Variants in GYPC observed in about 807,000 individuals in gnomAD.
GYPC encodes glycophorin C (Gerbich blood group).
Under a neutral mutation model 12.6 loss-of-function variants are expected in GYPC, and 14 were observed. The ratio of observed to expected loss-of-function variants is 1.11; its 90% confidence interval spans 0.74 to 1.74. The LOEUF (loss-of-function observed/expected upper bound fraction) is 1.74, where lower values mean the gene tolerates loss of function less well. Ranked by LOEUF, GYPC falls within the 40% of genes most tolerant of loss-of-function variation. The pLI, the probability that GYPC is intolerant of heterozygous loss-of-function variation, is 0.00. For missense variants in GYPC, 225 were observed against 172.1 expected (o/e 1.31, Z -1.72); for synonymous variants, 78 against 62.1 (o/e 1.26, Z -1.20).
chr2:126,695,958 C>T lies in GYPC; in HGVS notation c.203C>T (p.Ala68Val), dbSNP rs370846367. The change falls in exon 4 of 4, where the codon GCT becomes GTT. Residue 68 changes from alanine to valine, a missense_variant. Coordinates refer to ENST00000259254, the MANE Select transcript of GYPC (RefSeq NM_002101.5). Reference sequence around the variant, plus strand: ...TTCCCACCTGCAGGTGTGATTGCTGCTGTGGCCATCGTCCTAGTCTCCCTC... The same window carrying T: ...TTCCCACCTGCAGGTGTGATTGCTGTTGTGGCCATCGTCCTAGTCTCCCTC... ...DIVVIAGVIAAVAIVLVSLLF... is the reference protein window; with the variant it reads ...DIVVIAGVIAVVAIVLVSLLF... 34 of 1,613,928 alleles carry T rather than the reference C, an allele frequency of 2.1e-5. No homozygotes were observed. In the East Asian group the frequency reaches 4.0e-4, roughly 19 times the overall value.
At chr2:126,685,904 AG>A in intron 1 of GYPC, 7 of 985,374 alleles carry the variant, frequency 7.1e-6, no homozygotes, top group Non-Finnish European at 8.4e-6. Context: ...TCCTCCTCCC[AG>A]AACACCTAGG....
In GYPC at chr2:126,690,479, C is replaced by G. The variant is rs960809290; in HGVS notation, c.106+168C>G. On this transcript the variant is annotated intron_variant, in intron 2 of 3. Transcript: ENST00000259254. ...GGGTGGCTGTGGCCATTTTTTCTCT[C>G]CCTCAGAGGTGGTTTTGAATGTGGA... 3.0e-4 allele frequency among the ~76,000 whole-genome samples: 46 copies of G among 152,124 alleles called. 1 individual carries two copies. The highest frequency in any genetic ancestry group is 1.0e-3 in the African/African-American group (43 of 41,398).
chr2:126,660,787 A>G (rs982708858), intron 1 of GYPC, among the ~76,000 whole-genome samples: 2 of 152,184 alleles, frequency 1.3e-5, no homozygotes, highest in Admixed American at 6.5e-5. Context: ...GGAGGCCAGT[A>G]AATACTAAGT....
intron 1 of GYPC, among the ~76,000 whole-genome samples, chr2:126,684,044 C>T (rs921260580): frequency 1.3e-5 from 2 of 152,122 alleles, no homozygotes; most frequent in African/African-American, 4.8e-5. Flanking sequence ...GCAGATAAGA[C>T]CGGATAAGGG....
intron 1 of GYPC, among the ~76,000 whole-genome samples, chr2:126,685,390 C>CT (rs111911645): frequency 0.3 from 43,089 of 145,752 alleles, 6,425 homozygotes; most frequent in Non-Finnish European, 0.33. Context: ...TTCTTTCTTT[C>CT]TTTTTTTTTT....
At chr2:126,657,255 T>G (rs751366599) in intron 1 of GYPC, among the ~76,000 whole-genome samples, 43 of 152,202 alleles carry the variant, frequency 2.8e-4, no homozygotes, top group Non-Finnish European at 5.1e-4. Flanking sequence ...GGTCTACGTG[T>G]GTACACGGCA....
chr2:126,683,919 G>A (rs547731617), intron 1 of GYPC, among the ~76,000 whole-genome samples: 1 of 152,294 alleles, frequency 6.6e-6, no homozygotes, highest in South Asian at 2.1e-4. Flanking sequence ...AGGGCAGAGA[G>A]GCCACATCTC....
At chr2:126,674,097 G>T (rs1206253843) in intron 1 of GYPC, among the ~76,000 whole-genome samples, 1 of 152,164 alleles carries the variant, frequency 6.6e-6, no homozygotes, top group Admixed American at 6.5e-5. Context: ...GTGTGCCTGG[G>T]CATTGTATTA....
intron 1 of GYPC, chr2:126,686,351 G>C: frequency 1.0e-6 from 1 of 985,796 alleles, no homozygotes; most frequent in Non-Finnish European, 1.2e-6. Context: ...GGTTGTGCCT[G>C]TGTGCCCCGC....
intron 1 of GYPC, chr2:126,679,893 A>G (rs1257649052): frequency 6.6e-6 from 1 of 152,152 alleles, no homozygotes; most frequent in Non-Finnish European, 1.5e-5. Flanking sequence ...ATTAATTCAG[A>G]GACAGAAAAA....
In GYPC at chr2:126,693,948, G is replaced by T; in HGVS notation, c.190+1G>T. On this transcript the variant is annotated splice_donor_variant, in intron 3 of 3. Transcript: ENST00000259254. LOFTEE classifies it high-confidence loss of function. ...ATAATGGACATTGTCGTCATTGCAG[G>T]TGAGCTCTCATCACAGAGCCCTTCA... is the stretch of plus-strand genomic sequence containing the variant. 6.3e-7 allele frequency: 1 copy of T among 1,598,518 alleles called. No homozygotes were observed. Among genetic ancestry groups the T allele is most frequent in the South Asian group, 1.1e-5 (1 of 90,794 alleles).
At position 126,677,380 on chromosome 2, in the gene GYPC, TGA is replaced by T. The variant is rs372515917; in HGVS notation, c.50-12873_50-12872del. On this transcript the variant is annotated intron_variant, in intron 1 of 3. Coordinates refer to ENST00000259254, the MANE Select transcript of GYPC (RefSeq NM_002101.5). ...GAGTGTGAGAGAATGAGTAGGAGTG[TGA>T]GTGTGTTTATTAGTGTGTTAGAGTG... Among the ~76,000 whole-genome samples the T allele has an allele frequency of 2.1e-3, 313 of 151,336 alleles. 1 individual carries two copies. The highest frequency in any genetic ancestry group is 5.7e-3 in the African/African-American group (234 of 41,166).
At chr2:126,656,922 T>C (rs1682380497) in intron 1 of GYPC, among the ~76,000 whole-genome samples, 1 of 152,248 alleles carries the variant, frequency 6.6e-6, no homozygotes, top group South Asian at 2.1e-4. Flanking sequence ...AAAGTCTTTG[T>C]AGATGCTTGG....
At position 126,686,350 on chromosome 2, in the gene GYPC, T is replaced by C. The variant is rs963960401; in HGVS notation, c.50-3905T>C. 20 of 985,652 alleles carry C rather than the reference T, an allele frequency of 2.0e-5. No homozygotes were observed. The African/African-American group carries it at 3.3e-4, about 16-fold the overall frequency. The allele number at this position is 985,652 out of a possible 1,614,324, so 61.1% of individuals were successfully genotyped here. On this transcript the variant is annotated intron_variant, in intron 1 of 3. Transcript: ENST00000259254. Reference sequence around the variant, plus strand: ...ACTGCCCGCACTGCAGGGTTGTGCCTGTGTGCCCCGCTGCCTCCAGGGGTG... The same window carrying C: ...ACTGCCCGCACTGCAGGGTTGTGCCCGTGTGCCCCGCTGCCTCCAGGGGTG...
intron 2 of GYPC, among the ~76,000 whole-genome samples, chr2:126,693,255 G>C (rs1306938780): frequency 2.6e-5 from 4 of 152,184 alleles, no homozygotes; most frequent in Admixed American, 2.6e-4. Flanking sequence ...AGCAAATTCA[G>C]CTTTCTAAAC....
chr2:126,663,357 A>G (rs570943276), intron 1 of GYPC, among the ~76,000 whole-genome samples: 6 of 152,160 alleles, frequency 3.9e-5, no homozygotes, highest in Non-Finnish European at 8.8e-5. Flanking sequence ...TTTATCCAAG[A>G]GTCAGCACTG....
At chr2:126,684,458 C>T (rs888181508) in intron 1 of GYPC, among the ~76,000 whole-genome samples, 3 of 152,156 alleles carry the variant, frequency 2.0e-5, no homozygotes, top group Non-Finnish European at 2.9e-5. Flanking sequence ...ATGGCCTTCC[C>T]TTCATGTATC....
At chr2:126,670,079 TCTC>T (rs1174683389) in intron 1 of GYPC, among the ~76,000 whole-genome samples, 1 of 152,144 alleles carries the variant, frequency 6.6e-6, no homozygotes, top group Admixed American at 6.5e-5. Context: ...CAAAGACGGT[TCTC>T]CTTTGAATTC....
chr2:126,681,778 CAAAAAAAAAAAAAAAAG>C (rs1220983615), intron 1 of GYPC, among the ~76,000 whole-genome samples: 16 of 132,336 alleles, frequency 1.2e-4, no homozygotes, highest in Admixed American at 1.1e-3. Context: ...AAACTTCATC[CAAAAAAAAAAAAAAAAG>C]AAAGAAAGAA....
Sources: gnomAD v4.1 joint callset for allele counts (sites outside exome capture counted in the v4.1 genomes callset) on GRCh38, gnomAD v4.1.1 for gene constraint, MANE v1.5 for transcripts, NCBI Gene and HGNC (gene_info 2026-07-23, HGNC 2026-07-21) for gene names.